NFU1: variants seen among roughly 807,000 people sequenced by gnomAD.
NFU1 encodes NFU1 iron-sulfur cluster scaffold.
In NFU1, 30 loss-of-function variants were observed where a neutral mutation model predicts 32.2. That is an observed-to-expected ratio of 0.93 (90% CI 0.70 to 1.26). NFU1 has a LOEUF of 1.26. NFU1 is among the 50% of genes most tolerant of loss of function. The pLI, the probability that NFU1 is intolerant of heterozygous loss-of-function variation, is 0.00. For missense variants in NFU1, 306 were observed against 306.6 expected, an observed-to-expected ratio of 1.00 and a Z score of 0.02; for synonymous variants, 112 against 104.6, an observed-to-expected ratio of 1.07 and a Z score of -0.43.
intron 7 of NFU1, chr2:69,399,165 G>A (rs1399717244): frequency 1.5e-5 from 4 of 269,916 alleles, no homozygotes; most frequent in East Asian, 1.2e-4. Flanking sequence ...CCGAGATAGC[G>A]TGTCACTGCA....
intron 5 of NFU1, among the ~76,000 whole-genome samples, chr2:69,408,641 A>C (rs1672775871): frequency 1.3e-5 from 2 of 150,984 alleles, no homozygotes; most frequent in South Asian, 2.1e-4. Flanking sequence ...AATCACTTGA[A>C]CCCGGGAGGC....
At chr2:69,435,651 A>G (rs1558856404) in intron 1 of NFU1, among the ~76,000 whole-genome samples, 1 of 152,214 alleles carries the variant, frequency 6.6e-6, no homozygotes. Flanking sequence ...CAAGAGAACA[A>G]TGGAATCAAC....
At chr2:69,396,464 A>T (rs1042921431) in intron 7 of NFU1, among the ~76,000 whole-genome samples, 174 bp from the exon 8 acceptor site, 80 of 152,290 alleles carry the variant, frequency 5.3e-4, no homozygotes, top group African/African-American at 1.9e-3. Flanking sequence ...ATAACCCGGT[A>T]TCCTAAAAAC....
chr2:69,419,260 G>A (rs1254291169), intron 4 of NFU1, among the ~76,000 whole-genome samples: 2 of 152,106 alleles, frequency 1.3e-5, no homozygotes, highest in Non-Finnish European at 2.9e-5. Context: ...CTGGGAGGCA[G>A]AGGTGGCAGT....
chr2:69,438,466 C>T (rs536963427), upstream of NFU1, among the ~76,000 whole-genome samples: 45 of 151,884 alleles, frequency 3.0e-4, no homozygotes, highest in East Asian at 8.3e-3. Context: ...AGAGGTCTCC[C>T]TGTGTTGCCT....
At chr2:69,424,768 T>C (rs1211720276) in intron 2 of NFU1, among the ~76,000 whole-genome samples, 1 of 152,180 alleles carries the variant, frequency 6.6e-6, no homozygotes, top group Non-Finnish European at 1.5e-5. Flanking sequence ...AAATGCTACA[T>C]TCTCTTCTTT....
chr2:69,437,571 G>T (rs1673899232), upstream of NFU1: 1 of 946,040 alleles, frequency 1.1e-6, no homozygotes, highest in Non-Finnish European at 1.6e-6. Flanking sequence ...TGGCCTACGC[G>T]CCGAGGTTTG....
chr2:69,433,575 A>G (rs771212774), intron 1 of NFU1, among the ~76,000 whole-genome samples: 7 of 151,040 alleles, frequency 4.6e-5, no homozygotes, highest in Admixed American at 4.0e-4. Context: ...TCCTGGGTTC[A>G]AGTGATTCTC....
chr2:69,427,095 G>T (rs1673483699), intron 2 of NFU1, among the ~76,000 whole-genome samples: 1 of 146,076 alleles, frequency 6.8e-6, no homozygotes, highest in Non-Finnish European at 1.5e-5. Context: ...AAAAGAAAAT[G>T]AATTTTCTGG....
rs1313763529 is a variant in NFU1 at position 69,402,906 on chromosome 2, T to C, written c.546-2368A>G. Among the ~76,000 whole-genome samples, 7 of 151,804 alleles carry C rather than the reference T, an allele frequency of 4.6e-5. No homozygotes were observed. In the East Asian group the frequency reaches 5.8e-4, roughly 13 times the overall value. On this transcript the variant is annotated intron_variant, in intron 6 of 7. Coordinates refer to ENST00000410022, the MANE Select transcript of NFU1 (RefSeq NM_001002755.4). ...TCTTTATCTGATTTCTTGTGTCCCG[T>C]TGGGGAAAAAAAAAAAAATTGCCTA...
At chr2:69,425,865 G>A (rs532401002) in intron 2 of NFU1, among the ~76,000 whole-genome samples, 4 of 152,200 alleles carry the variant, frequency 2.6e-5, no homozygotes, top group Admixed American at 6.5e-5. Context: ...ATGAAGACAC[G>A]GAGGCTTAGA....
intron 6 of NFU1, among the ~76,000 whole-genome samples, chr2:69,404,447 G>A (rs111506194): frequency 0.14 from 21,185 of 149,780 alleles, 1,640 homozygotes; most frequent in Non-Finnish European, 0.17. Context: ...AGCTGATATC[G>A]TGCAGCACTC....
intron 1 of NFU1, among the ~76,000 whole-genome samples, chr2:69,432,807 T>C (rs908810312): frequency 1.3e-5 from 2 of 152,006 alleles, no homozygotes; most frequent in Non-Finnish European, 2.9e-5. Context: ...AGATAACCTA[T>C]ATTACCTGTT....
At chr2:69,428,232 C>A (rs1467828518) in intron 2 of NFU1, among the ~76,000 whole-genome samples, 1 of 152,004 alleles carries the variant, frequency 6.6e-6, no homozygotes, top group African/African-American at 2.4e-5. Context: ...CGAGAACAGC[C>A]TGGTCAACAT....
At chr2:69,429,361 C>T (rs1318040410) in intron 2 of NFU1, among the ~76,000 whole-genome samples, 6 of 151,978 alleles carry the variant, frequency 3.9e-5, no homozygotes, top group Non-Finnish European at 8.8e-5. Context: ...GGCAGAAGTT[C>T]GAGACCAGCC....
intron 5 of NFU1, among the ~76,000 whole-genome samples, chr2:69,407,911 G>A (rs1672752045): frequency 6.6e-6 from 1 of 151,208 alleles, no homozygotes; most frequent in Admixed American, 6.6e-5. Flanking sequence ...TACTTGGGAG[G>A]CTGAGGCAGG....
At chr2:69,438,496 C>A (rs750771966), upstream of NFU1, among the ~76,000 whole-genome samples, 1 of 152,138 alleles carries the variant, frequency 6.6e-6, no homozygotes, top group Non-Finnish European at 1.5e-5. Context: ...TTGAACTCTG[C>A]TGGCCTCAAG....
chr2:69,424,463 A>AT (rs529842964), intron 2 of NFU1, among the ~76,000 whole-genome samples: 2 of 151,560 alleles, frequency 1.3e-5, no homozygotes, highest in African/African-American at 4.8e-5. Context: ...TAATATTTGT[A>AT]TTTTTTTGCA....
rs138189902 is a variant in NFU1, at chr2:69,415,554, A to T, written c.370-255T>A. 2.6e-5 allele frequency among the ~76,000 whole-genome samples: 4 copies of T among 152,190 alleles called. No homozygotes were observed. The East Asian group carries it at 7.7e-4, about 29-fold the overall frequency. ...GCCTTGAACATAAAGGAACAAATTA[A>T]CTATATCTTATTCCTATAATGAAAT... On this transcript the variant is annotated intron_variant, in intron 4 of 7. Transcript: ENST00000410022.
Sources: allele counts gnomAD v4.1 joint callset (sites outside exome capture counted in the v4.1 genomes callset), GRCh38; gene constraint gnomAD v4.1.1; transcripts MANE v1.5; gene names NCBI Gene and HGNC (gene_info 2026-07-23, HGNC 2026-07-21).